The following CASQ2 variants were observed in gnomAD, a reference collection of about 807,000 sequenced individuals.
The protein encoded by CASQ2 is calsequestrin 2, also known as calsequestrin-2.
Under a neutral mutation model 46.5 loss-of-function variants are expected in CASQ2, and 49 were observed. The ratio of observed to expected loss-of-function variants is 1.05; its 90% CI spans 0.84 to 1.34. The LOEUF (loss-of-function observed/expected upper bound fraction) is 1.34, where lower values mean the gene tolerates loss of function less well. Ranked by LOEUF, CASQ2 falls within the 40% of genes most tolerant of loss-of-function variation. CASQ2 has a pLI of 0.00. For missense variants in CASQ2, 486 were observed against 481.3 expected, an observed-to-expected ratio of 1.01 and a Z score of -0.09; for synonymous variants, 174 against 168.5, an observed-to-expected ratio of 1.03 and a Z score of -0.25.
chr1:115,717,857 G>T lies in CASQ2; in HGVS notation c.821C>A (p.Ala274Glu). ...DLNGIHIVAF[A>E]EKSDPDGYEF... ...TTTCCTACCTGGATCACTCTTCTCT[G>T]CAAAGGCCACAATGTGGATCCCATT... The change falls in exon 8 of 11, where the codon GCA becomes GAA. Residue 274 changes from alanine to glutamate, a missense_variant. Transcript: ENST00000261448. 6.2e-7 allele frequency: 1 copy of T among 1,611,106 alleles called. No homozygotes were observed. The highest frequency in any genetic ancestry group is 8.5e-7 in the Non-Finnish European group (1 of 1,177,278).
At position 115,726,941 on chromosome 1, in the gene CASQ2, C is replaced by A. The variant is rs376147496; in HGVS notation, c.737+51G>T. On this transcript the variant is annotated intron_variant, in intron 6 of 10. Coordinates refer to ENST00000261448, the MANE Select transcript of CASQ2 (RefSeq NM_001232.4). ...GAAATGTTAGCACAGAGAGGCTCCT[C>A]TCCATTCCCCAGACCCCAGGCCCCC... The A allele has an allele frequency of 2.3e-4, 320 of 1,401,432 alleles. 2 individuals carry two copies. Among genetic ancestry groups the A allele is most frequent in the Admixed American group, 6.5e-4 (35 of 53,958 alleles). The allele number at this position is 1,401,432 out of a possible 1,614,324, so 86.8% of individuals were successfully genotyped here.
At chr1:115,749,056 A>G (rs557823360) in intron 1 of CASQ2, among the ~76,000 whole-genome samples, 1 of 152,330 alleles carries the variant, frequency 6.6e-6, no homozygotes, top group South Asian at 2.1e-4. Context: ...GACTCTGAAA[A>G]ACACTGCTAT....
At chr1:115,720,664 G>A (rs186810037) in intron 7 of CASQ2, among the ~76,000 whole-genome samples, 6 of 152,142 alleles carry the variant, frequency 3.9e-5, no homozygotes, top group Admixed American at 1.3e-4. Context: ...CCAAAGAACC[G>A]GAGATTTGGG....
In CASQ2 at chr1:115,727,061, T is replaced by A; in HGVS notation, c.668A>T (p.Glu223Val). The change falls in exon 6 of 11, where the codon GAG (glutamate) becomes GTG (valine). Residue 223 changes from glutamate to valine, a missense_variant. By Grantham distance (121) the Glu-to-Val change is moderately radical (BLOSUM62 -2). Coordinates refer to ENST00000261448, the MANE Select transcript of CASQ2 (RefSeq NM_001232.4). Reference protein sequence around the residue: ...EVDFYEPFMDEPIAIPNKPYT... With the variant: ...EVDFYEPFMDVPIAIPNKPYT... The stretch of plus-strand genomic sequence containing the variant: ...AGGTTTGTTGGGGATGGCAATGGGC[T>A]CATCCATAAATGGCTCATAGAAGTC... 1 of 1,611,938 alleles carries A rather than the reference T, an allele frequency of 6.2e-7. No individual in the cohort carries two copies. Among genetic ancestry groups the A allele is most frequent in the Non-Finnish European group, 8.5e-7 (1 of 1,178,224 alleles).
intron 7 of CASQ2, among the ~76,000 whole-genome samples, chr1:115,720,003 A>T (rs1647313814): frequency 6.6e-6 from 1 of 152,156 alleles, no homozygotes; most frequent in South Asian, 2.1e-4. Context: ...TTACTTTGTA[A>T]GTACATTATC....
intron 5 of CASQ2, among the ~76,000 whole-genome samples, chr1:115,729,035 C>CTTTTTTTTTTTTTT (rs753965730): frequency 1.5e-5 from 1 of 68,834 alleles, no homozygotes; most frequent in African/African-American, 6.4e-5. Context: ...CTCTTTCATT[C>CTTTTTTTTTTTTTT]TTTTTTTTTT....
rs74985404 is a variant in CASQ2 at position 115,725,228 on chromosome 1, G to A, written c.783+280C>T. On this transcript the variant is annotated intron_variant, in intron 7 of 10. Transcript: ENST00000261448. ...ACTCCAGGCACATGCGACCATGCTC[G>A]GTTACTTTTTGCATTTTTTTGTAGA... is the stretch of plus-strand genomic sequence containing the variant. Among the ~76,000 whole-genome samples the A allele has an allele frequency of 0.022, 3,379 of 151,886 alleles. 118 individuals carry two copies. The highest frequency in any genetic ancestry group is 0.077 in the African/African-American group (3,176 of 41,402).
chr1:115,717,707 A>T, intron 8 of CASQ2, 133 bp downstream of exon 8: 1 of 776,470 alleles, frequency 1.3e-6, no homozygotes, highest in Non-Finnish European at 2.3e-6. Flanking sequence ...TTAATGGGCG[A>T]CCACCAGGGG....
At chr1:115,717,795 C>T in intron 8 of CASQ2, 45 bp downstream of exon 8, 2 of 1,399,160 alleles carry the variant, frequency 1.4e-6, no homozygotes, top group South Asian at 2.3e-5. Flanking sequence ...GGTGAGAAAT[C>T]AGTTCTTGCT....
Position 115,741,296 on chromosome 1 carries a change from C to T in CASQ2, c.320-468G>A, listed in dbSNP as rs568272106. On this transcript the variant is annotated intron_variant, in intron 2 of 10. Coordinates refer to ENST00000261448, the MANE Select transcript of CASQ2 (RefSeq NM_001232.4). ...TGGGACTCCCTTTGCTTCCTGTCCA[C>T]ATGTTTATATGAAAAGGTGAGTAAA... 2.6e-5 allele frequency among the ~76,000 whole-genome samples: 4 copies of T among 152,354 alleles called. No individual in the cohort carries two copies. The East Asian group carries it at 7.7e-4, about 29-fold the overall frequency.
chr1:115,751,213 G>C (rs1315671466), intron 1 of CASQ2, among the ~76,000 whole-genome samples: 1 of 152,184 alleles, frequency 6.6e-6, no homozygotes, highest in Non-Finnish European at 1.5e-5. Context: ...AGCTGGCTAG[G>C]GTTCTGGATC....
intron 8 of CASQ2, among the ~76,000 whole-genome samples, chr1:115,705,957 T>TA (rs577655358): frequency 1.3e-5 from 2 of 152,234 alleles, no homozygotes; most frequent in South Asian, 4.2e-4. Context: ...TTGTTAGCTT[T>TA]AAAAGCCTAA....
At chr1:115,743,193 TTTTG>T (rs148000040) in intron 2 of CASQ2, among the ~76,000 whole-genome samples, 42 of 147,436 alleles carry the variant, frequency 2.8e-4, no homozygotes, top group African/African-American at 7.3e-4. Context: ...CATTCTTTAT[TTTTG>T]TTTATTTATT....
Position 115,768,479 on chromosome 1 carries a change from C to T in CASQ2, c.63G>A (p.Glu21=). ...CATCATATGTGGGGAAATTAAGCCC[C>T]TCTTCTGCCCTGCAAGAGGACAGAA... The part of the protein sequence containing the change: ...IYFLSSCRAE[E]GLNFPTYDGK... The change falls in exon 1 of 11, where the codon GAG becomes GAA. Residue 21 remains glutamate, a synonymous_variant. Coordinates refer to ENST00000261448, the MANE Select transcript of CASQ2 (RefSeq NM_001232.4). The T allele has an allele frequency of 6.2e-7, 1 of 1,613,990 alleles. No individual in the cohort carries two copies. The highest frequency in any genetic ancestry group is 2.2e-5 in the East Asian group (1 of 44,878).
At position 115,754,381 on chromosome 1, in the gene CASQ2, G is replaced by A. The variant is rs141941301; in HGVS notation, c.235-9469C>T. ...GGTCAATGCCAAGGAAAAGACCCAA[G>A]GGAAGATGCTATGTATTTTTTCCAC... On this transcript the variant is annotated intron_variant, in intron 1 of 10. Transcript: ENST00000261448. Among the ~76,000 whole-genome samples, 337 of 152,250 alleles carry A rather than the reference G, an allele frequency of 2.2e-3. 1 individual carries two copies. Among genetic ancestry groups the A allele is most frequent in the African/African-American group, 7.8e-3 (323 of 41,542 alleles).
intron 1 of CASQ2, among the ~76,000 whole-genome samples, chr1:115,759,154 C>T (rs1648856055): frequency 6.6e-6 from 1 of 152,180 alleles, no homozygotes; most frequent in Non-Finnish European, 1.5e-5. Flanking sequence ...ACACTGGGGC[C>T]ATTCCATCTG....
chr1:115,735,312 T>C (rs1647920194), intron 4 of CASQ2, among the ~76,000 whole-genome samples: 1 of 152,210 alleles, frequency 6.6e-6, no homozygotes, highest in Admixed American at 6.5e-5. Flanking sequence ...TGCTCTTTCA[T>C]CCTAAAGTGG....
At chr1:115,713,282 C>T (rs971644574) in intron 8 of CASQ2, among the ~76,000 whole-genome samples, 8 of 152,194 alleles carry the variant, frequency 5.3e-5, no homozygotes, top group East Asian at 1.9e-4. Flanking sequence ...GCGGCTCTGG[C>T]GGGCACTTTG....
Position 115,740,783 on chromosome 1 carries a change from G to T in CASQ2, c.365C>A (p.Thr122Lys). The change falls in exon 3 of 11, where the codon ACA becomes AAA. Residue 122 changes from threonine (T) to lysine (K), a missense_variant. Transcript: ENST00000261448. ...TGCAAACTCGCCATCAAACTCTATT[G>T]TGCGATCACCCTTAAGAATATACAG... ...GSLYILKGDR[T>K]IEFDGEFAAD... The T allele has an allele frequency of 6.2e-7, 1 of 1,613,660 alleles. No individual in the cohort carries two copies.
Sources: gnomAD v4.1 joint callset for allele counts (sites outside exome capture counted in the v4.1 genomes callset) on GRCh38, gnomAD v4.1.1 for gene constraint, MANE v1.5 for transcripts, NCBI Gene and HGNC (gene_info 2026-07-23, HGNC 2026-07-21) for gene names.